Variants in PRKN observed in about 807,000 individuals in gnomAD.
The protein encoded by PRKN is E3 ubiquitin-protein ligase parkin.
PRKN carries 56 observed loss-of-function variants against 59.5 expected under a neutral mutation model. That is an observed-to-expected ratio of 0.94 (90% confidence interval 0.76 to 1.18). The LOEUF is 1.18. PRKN is among the 50% of genes most tolerant of loss of function. The pLI, the probability that PRKN is intolerant of heterozygous loss-of-function variation, is 0.00. For synonymous variants in PRKN, 250 were observed against 222.1 expected (o/e 1.13, Z -1.12); for missense variants, 657 against 596.4 (o/e 1.10, Z -1.06).
chr6:162,518,094 A>G (rs1777940329), intron 1 of PRKN, among the ~76,000 whole-genome samples: 1 of 152,204 alleles, frequency 6.6e-6, no homozygotes, highest in South Asian at 2.1e-4. Flanking sequence ...TGCATTCTCC[A>G]TGAAACAGAC....
At chr6:161,599,110 C>A (rs115595718) in intron 7 of PRKN, among the ~76,000 whole-genome samples, 1 of 152,150 alleles carries the variant, frequency 6.6e-6, no homozygotes, top group Non-Finnish European at 1.5e-5. Flanking sequence ...CAGATCCTTC[C>A]CAGAGCCTTC....
intron 5 of PRKN, among the ~76,000 whole-genome samples, chr6:162,000,347 G>A (rs1169636565): frequency 6.6e-6 from 1 of 152,008 alleles, no homozygotes; most frequent in African/African-American, 2.4e-5. Context: ...TGTAATAGAT[G>A]TGTACTGGTA....
intron 1 of PRKN, among the ~76,000 whole-genome samples, chr6:162,704,029 C>T (rs181180893): frequency 3.9e-5 from 6 of 152,278 alleles, no homozygotes; most frequent in Admixed American, 3.9e-4. Context: ...AGCTAAGAGA[C>T]ACAGGTGCAG....
intron 7 of PRKN, among the ~76,000 whole-genome samples, chr6:161,580,662 A>T (rs1781303554): frequency 6.6e-6 from 1 of 151,742 alleles, no homozygotes; most frequent in Admixed American, 6.6e-5. Context: ...TATTTTTAGT[A>T]AAGATGGGAT....
At position 161,994,682 on chromosome 6, in the gene PRKN, GA is replaced by G. The variant is rs1014739520; in HGVS notation, c.619-21266del. On this transcript the variant is annotated intron_variant, in intron 5 of 11. Transcript: ENST00000366898. ...TCTCTATACCAATAACAAACTAATT[GA>G]AAAAAAAATAAAGAAAGCAATCCCA... Among the ~76,000 whole-genome samples, 8 of 148,214 alleles carry G rather than the reference GA, an allele frequency of 5.4e-5. No homozygotes were observed. The East Asian group carries it at 1.2e-3, about 22-fold the overall frequency.
At chr6:162,078,875 T>C (rs1778942016) in intron 4 of PRKN, among the ~76,000 whole-genome samples, 1 of 50,746 alleles carries the variant, frequency 2.0e-5, no homozygotes, top group Admixed American at 2.9e-4. Context: ...AATTAATACT[T>C]AATAATTAAT....
At chr6:162,489,596 T>A (rs770579114) in intron 1 of PRKN, among the ~76,000 whole-genome samples, 15 of 152,220 alleles carry the variant, frequency 9.9e-5, no homozygotes, top group Admixed American at 3.3e-4. Context: ...ATGAGCTACT[T>A]GTGAAATAAA....
rs1469131126 is a variant in PRKN at position 161,447,584 on chromosome 6, C to G, written c.1084-60707G>C. ...TCTCAGCTCACTGCAACCTCCGCCT[C>G]CCGGGTTCAAGCGATGCTCCTGCCT... is the stretch of plus-strand genomic sequence containing the variant. On this transcript the variant is annotated intron_variant, in intron 9 of 11. Transcript: ENST00000366898. The surrounding 1 kb of genome is among the most constrained non-coding windows in gnomAD (Gnocchi z 4.1). Among the ~76,000 whole-genome samples the G allele has an allele frequency of 4.6e-5, 7 of 152,094 alleles. No individual in the cohort carries two copies. The highest frequency in any genetic ancestry group is 1.0e-4 in the Non-Finnish European group (7 of 68,014).
At chr6:161,374,880 A>T (rs1785627059) in intron 10 of PRKN, among the ~76,000 whole-genome samples, 1 of 152,124 alleles carries the variant, frequency 6.6e-6, no homozygotes, top group African/African-American at 2.4e-5. Context: ...GTCGGTTCAG[A>T]ATTTACATTC....
intron 2 of PRKN, among the ~76,000 whole-genome samples, chr6:162,359,579 A>G (rs989497862): frequency 3.7e-5 from 4 of 108,518 alleles, no homozygotes; most frequent in Admixed American, 3.7e-4. Context: ...AACTAAATAT[A>G]CCTTTTAAAA....
intron 2 of PRKN, among the ~76,000 whole-genome samples, chr6:162,286,912 T>G (rs1016077970): frequency 3.9e-5 from 6 of 152,232 alleles, no homozygotes; most frequent in African/African-American, 1.4e-4. Context: ...AGGTTCATCT[T>G]GTAAAACCAC....
At chr6:162,268,534 A>G (rs1052596076) in intron 2 of PRKN, among the ~76,000 whole-genome samples, 1 of 152,254 alleles carries the variant, frequency 6.6e-6, no homozygotes, top group Non-Finnish European at 1.5e-5. Context: ...ACATAAAGTT[A>G]GTGTGTAAAC....
intron 2 of PRKN, among the ~76,000 whole-genome samples, chr6:162,370,506 G>C (rs1301277899): frequency 1.3e-5 from 2 of 151,548 alleles, no homozygotes; most frequent in Non-Finnish European, 2.9e-5. Flanking sequence ...AACAAAAGAT[G>C]AAAAAAGTAC....
intron 1 of PRKN, among the ~76,000 whole-genome samples, chr6:162,508,154 T>G (rs2128189660): frequency 6.6e-6 from 1 of 152,032 alleles, no homozygotes; most frequent in South Asian, 2.1e-4. Context: ...CAAGAGAAAA[T>G]GAGGAAGATG....
intron 7 of PRKN, among the ~76,000 whole-genome samples, chr6:161,633,572 T>A (rs1383098004): frequency 6.6e-6 from 1 of 152,242 alleles, no homozygotes; most frequent in Non-Finnish European, 1.5e-5. Context: ...CACATCATAC[T>A]GTGGATATTA....
chr6:162,024,152 G>T (rs1783322068), intron 5 of PRKN, among the ~76,000 whole-genome samples: 1 of 144,626 alleles, frequency 6.9e-6, no homozygotes, highest in African/African-American at 2.6e-5. Context: ...GTTTGTTTGT[G>T]TCAGGTACGA....
At chr6:162,385,596 A>G (rs2128142343) in intron 2 of PRKN, among the ~76,000 whole-genome samples, 1 of 152,156 alleles carries the variant, frequency 6.6e-6, no homozygotes, top group East Asian at 1.9e-4. Flanking sequence ...GCGCTATTTC[A>G]GCAGGTCCTT....
chr6:161,869,968 G>GTTTCTTCC (rs1346487269), intron 6 of PRKN, among the ~76,000 whole-genome samples: 3 of 152,176 alleles, frequency 2.0e-5, no homozygotes, highest in Admixed American at 2.0e-4. Context: ...TTATTATTTT[G>GTTTCTTCC]TTTCTTCCTT....
intron 9 of PRKN, among the ~76,000 whole-genome samples, chr6:161,485,365 G>A (rs924432308): frequency 6.6e-6 from 1 of 152,092 alleles, no homozygotes; most frequent in African/African-American, 2.4e-5. Flanking sequence ...TAAAACCTGT[G>A]TCCTGTTTCC....
Sources: allele counts gnomAD v4.1 joint callset (sites outside exome capture counted in the v4.1 genomes callset), GRCh38; gene constraint gnomAD v4.1.1; non-coding constraint Gnocchi (gnomAD v3.1); transcripts MANE v1.5; gene names NCBI Gene and HGNC (gene_info 2026-07-23, HGNC 2026-07-21).